The following NCAM2 variants were observed in gnomAD, a reference collection of about 807,000 sequenced individuals.
The protein encoded by NCAM2 is neural cell adhesion molecule 2, also known as N-CAM-2.
A neutral mutation model predicts 98.1 loss-of-function variants in NCAM2; 30 were observed. The observed-to-expected ratio is 0.31, with a 90% CI of 0.23 to 0.41. NCAM2 has a LOEUF of 0.41. Among genes scored for constraint, NCAM2 ranks in the 10% least tolerant of loss-of-function variants. The probability of loss-of-function intolerance (pLI) is 1.00; values close to 1 mark genes in which losing one functional copy is unlikely to be tolerated. For missense variants in NCAM2, 867 were observed against 1,005.8 expected, an observed-to-expected ratio of 0.86 and a Z score of 1.87; for synonymous variants, 368 against 342.4, an observed-to-expected ratio of 1.07 and a Z score of -0.83.
intron 1 of NCAM2, among the ~76,000 whole-genome samples, chr21:21,057,925 C>T (rs961841537): frequency 6.6e-6 from 1 of 151,958 alleles, no homozygotes; most frequent in Non-Finnish European, 1.5e-5. Context: ...TACCTGTCTC[C>T]TTTAGGCCTA....
chr21:21,380,137 C>G (rs1354982113), intron 9 of NCAM2, among the ~76,000 whole-genome samples: 1 of 152,100 alleles, frequency 6.6e-6, no homozygotes, highest in Non-Finnish European at 1.5e-5. Flanking sequence ...TTTGGCAACA[C>G]CCTGGCAGAT....
chr21:21,412,920 G>A (rs747332196), intron 10 of NCAM2, among the ~76,000 whole-genome samples: 1 of 152,022 alleles, frequency 6.6e-6, no homozygotes, highest in African/African-American at 2.4e-5. Flanking sequence ...AGTCATATAT[G>A]TGCTAATTCT....
At chr21:21,382,517 A>ATTTTT (rs36015235) in intron 9 of NCAM2, among the ~76,000 whole-genome samples, 1 of 59,524 alleles carries the variant, frequency 1.7e-5, no homozygotes, top group African/African-American at 6.9e-5. Flanking sequence ...TATTTCAGGG[A>ATTTTT]TTTTTTTTTT....
chr21:21,185,386 A>G (rs1363333025), intron 1 of NCAM2, among the ~76,000 whole-genome samples: 1 of 152,088 alleles, frequency 6.6e-6, no homozygotes, highest in Non-Finnish European at 1.5e-5. Context: ...CAGGTACTCA[A>G]TTTCATCTTT....
intron 16 of NCAM2, among the ~76,000 whole-genome samples, chr21:21,511,507 A>C (rs534580031): frequency 4.6e-5 from 7 of 152,082 alleles, no homozygotes; most frequent in African/African-American, 1.7e-4. Context: ...ATGGATGGAC[A>C]CTTAGGTCAA....
At chr21:21,535,446 C>T (rs1031009562) in intron 17 of NCAM2, among the ~76,000 whole-genome samples, 2 of 151,940 alleles carry the variant, frequency 1.3e-5, no homozygotes, top group African/African-American at 4.8e-5. Context: ...CTAATATTTT[C>T]TTGCAGAGTA....
Position 21,329,692 on chromosome 21 carries a change from G to A in NCAM2, c.737+5192G>A, listed in dbSNP as rs775485542. Among the ~76,000 whole-genome samples the A allele has an allele frequency of 2.0e-5, 3 of 151,040 alleles. No homozygotes were observed. In the East Asian group the frequency reaches 6.1e-4, roughly 31 times the overall value. ...CTAGTGTCAGAGAATGAGTAGTGAA[G>A]TATTTCTTCCTCTTCTGTTTTCCAA... is the stretch of plus-strand genomic sequence containing the variant. On this transcript the variant is annotated intron_variant, in intron 6 of 17. Coordinates refer to ENST00000400546, the MANE Select transcript of NCAM2 (RefSeq NM_004540.5).
intron 6 of NCAM2, among the ~76,000 whole-genome samples, chr21:21,334,799 G>C (rs1261487955): frequency 6.6e-6 from 1 of 152,022 alleles, no homozygotes; most frequent in Non-Finnish European, 1.5e-5. Flanking sequence ...GCCGTGGTTG[G>C]TTTTAAAGGA....
chr21:21,018,613 A>G (rs2064367013), intron 1 of NCAM2, among the ~76,000 whole-genome samples: 4 of 152,224 alleles, frequency 2.6e-5, no homozygotes, highest in Admixed American at 2.6e-4. Flanking sequence ...TTTGAGAATT[A>G]CTAAATAGAT....
At chr21:21,375,686 A>G (rs2076017517) in intron 9 of NCAM2, among the ~76,000 whole-genome samples, 1 of 151,554 alleles carries the variant, frequency 6.6e-6, no homozygotes, top group Non-Finnish European at 1.5e-5. Context: ...AAATTTGTTT[A>G]TTTAAACCAA....
chr21:21,169,002 G>C (rs964188706), intron 1 of NCAM2, among the ~76,000 whole-genome samples: 5 of 152,226 alleles, frequency 3.3e-5, no homozygotes, highest in Non-Finnish European at 5.9e-5. Context: ...TGAAGCAGAA[G>C]AACAAAGTTG....
intron 1 of NCAM2, among the ~76,000 whole-genome samples, chr21:21,037,612 A>T (rs1353569946): frequency 6.6e-6 from 1 of 152,200 alleles, no homozygotes; most frequent in Non-Finnish European, 1.5e-5. Flanking sequence ...ACAACAGATA[A>T]ACACTAATTT....
intron 1 of NCAM2, among the ~76,000 whole-genome samples, chr21:21,095,308 A>G (rs1178851254): frequency 2.6e-5 from 4 of 151,642 alleles, no homozygotes; most frequent in Non-Finnish European, 5.9e-5. Context: ...TTATACACAT[A>G]CATACCAGAG....
chr21:21,222,561 A>G (rs1453210042), intron 1 of NCAM2, among the ~76,000 whole-genome samples: 1 of 152,134 alleles, frequency 6.6e-6, no homozygotes, highest in Non-Finnish European at 1.5e-5. Context: ...GTAACTTCAA[A>G]TGTGGTGGAA....
intron 6 of NCAM2, among the ~76,000 whole-genome samples, chr21:21,331,553 TATATACTCTATATACATATATATATAG>T (rs2074698807): frequency 6.6e-5 from 1 of 15,220 alleles, no homozygotes; most frequent in Non-Finnish European, 1.7e-4. Context: ...TACATATATA[TATATACTCTATATACATATATATATAG>T]AGAGAGAGAG....
intron 8 of NCAM2, among the ~76,000 whole-genome samples, chr21:21,358,826 C>T (rs2075566316): frequency 6.6e-6 from 1 of 151,864 alleles, no homozygotes; most frequent in Non-Finnish European, 1.5e-5. Flanking sequence ...CCAGTTGGCT[C>T]GGTAAATATT....
intron 1 of NCAM2, among the ~76,000 whole-genome samples, chr21:21,195,135 C>T (rs535209295): frequency 6.6e-6 from 1 of 152,166 alleles, no homozygotes; most frequent in Non-Finnish European, 1.5e-5. Context: ...GAATGGAGAA[C>T]AGAAACAAAC....
chr21:21,051,112 T>C (rs1334716167), intron 1 of NCAM2, among the ~76,000 whole-genome samples: 2 of 152,206 alleles, frequency 1.3e-5, no homozygotes, highest in African/African-American at 4.8e-5. Context: ...GATTTTAATC[T>C]CTTCAAGAAT....
chr21:21,083,135 A>G (rs1302235639), intron 1 of NCAM2, among the ~76,000 whole-genome samples: 4 of 152,208 alleles, frequency 2.6e-5, no homozygotes, highest in Admixed American at 6.5e-5. Context: ...CAGCAAGAGT[A>G]GTAATAATGG....
Sources: allele counts gnomAD v4.1 joint callset (sites outside exome capture counted in the v4.1 genomes callset), GRCh38; gene constraint gnomAD v4.1.1; transcripts MANE v1.5; gene names NCBI Gene and HGNC (gene_info 2026-07-23, HGNC 2026-07-21).